The following LHPP variants were observed in gnomAD, a reference collection of about 807,000 sequenced individuals.
LHPP encodes the protein hLHPP.
LHPP carries 24 observed loss-of-function variants against 30.3 expected under a neutral mutation model. The ratio of observed to expected loss-of-function variants is 0.79; its 90% CI spans 0.57 to 1.11. The LOEUF (loss-of-function observed/expected upper bound fraction) is 1.11. Among genes scored for constraint, LHPP ranks in the 50% most tolerant of loss-of-function variants. The probability of loss-of-function intolerance (pLI) is 0.00; values close to 1 mark genes in which losing one functional copy is unlikely to be tolerated. For missense variants in LHPP, 356 were observed against 367.2 expected (o/e 0.97, Z 0.25); for synonymous variants, 150 against 157.1 (o/e 0.95, Z 0.34).
intron 4 of LHPP, 30 bp from the exon 5 acceptor site, chr10:124,498,006 C>A (rs376652414): frequency 6.3e-7 from 1 of 1,575,738 alleles, no homozygotes; most frequent in Non-Finnish European, 8.7e-7. Flanking sequence ...TGATCCCAAA[C>A]TTATGCCATG....
intron 6 of LHPP, among the ~76,000 whole-genome samples, chr10:124,589,890 C>T (rs537858809): frequency 1.1e-4 from 17 of 152,308 alleles, no homozygotes; most frequent in South Asian, 4.1e-4. Flanking sequence ...TGTCTCAGCG[C>T]GCCCTGGCCG....
chr10:124,550,974 C>G (rs59506739), intron 6 of LHPP, among the ~76,000 whole-genome samples: 1,567 of 152,278 alleles, frequency 0.01, 19 homozygotes, highest in African/African-American at 0.036. Flanking sequence ...TGCAGAGGCC[C>G]GGCCCAGCCC....
At chr10:124,530,361 G>C (rs193171807) in intron 6 of LHPP, among the ~76,000 whole-genome samples, 2 of 152,232 alleles carry the variant, frequency 1.3e-5, no homozygotes, top group African/African-American at 4.8e-5. Context: ...AGCCAGGGCC[G>C]ATGCACGCAC....
chr10:124,578,131 T>C, intron 6 of LHPP, among the ~76,000 whole-genome samples: 1 of 152,158 alleles, frequency 6.6e-6, no homozygotes, highest in East Asian at 1.9e-4. Context: ...CATTTGGAGT[T>C]CCCACTGCCT....
chr10:124,570,479 C>T (rs1338998217), intron 6 of LHPP, among the ~76,000 whole-genome samples: 1 of 152,262 alleles, frequency 6.6e-6, no homozygotes, highest in Non-Finnish European at 1.5e-5. Context: ...GAGATATTCA[C>T]ATGCCATACA....
intron 2 of LHPP, among the ~76,000 whole-genome samples, chr10:124,486,540 A>T (rs1399339204): frequency 6.6e-6 from 1 of 152,272 alleles, no homozygotes; most frequent in Non-Finnish European, 1.5e-5. Flanking sequence ...GAAGACAGGC[A>T]TGAACTTCCA....
At chr10:124,604,105 G>A (rs1233688474) in intron 6 of LHPP, among the ~76,000 whole-genome samples, 2 of 152,224 alleles carry the variant, frequency 1.3e-5, no homozygotes, top group African/African-American at 2.4e-5. Context: ...GCTCCTGCTC[G>A]GGTTTCTTTG....
chr10:124,586,682 G>T (rs1454264375), intron 6 of LHPP, among the ~76,000 whole-genome samples: 1 of 152,200 alleles, frequency 6.6e-6, no homozygotes, highest in Non-Finnish European at 1.5e-5. Flanking sequence ...ACTTTCCAGG[G>T]CAGGAAGTGG....
intron 1 of LHPP, among the ~76,000 whole-genome samples, chr10:124,470,141 G>A (rs1952684396): frequency 6.6e-6 from 1 of 152,206 alleles, no homozygotes; most frequent in African/African-American, 2.4e-5. Flanking sequence ...TTCCCCGAGG[G>A]GAGCCATTCA....
rs1564853303 is a variant in LHPP, at chr10:124,610,999, T to TGAGG, written c.717-2264_717-2263insAGGG. Among the ~76,000 whole-genome samples the TGAGG allele has an allele frequency of 1.1e-4, 5 of 43,760 alleles. 1 individual carries two copies. The highest frequency in any genetic ancestry group is 1.0e-3 in the East Asian group (1 of 980). The allele number at this position is 43,760 out of a possible 152,430, so 28.7% of individuals were successfully genotyped here. A position where few individuals can be genotyped will look rare whatever the true frequency, so the allele number is the denominator to read the frequency against. ...AGGGTGCTGGTGGAGCGGGTGAGGG[T>TGAGG]GTTAATGAAGCGGGTGCGGGTGAGG... On this transcript the variant is annotated intron_variant, in intron 6 of 6. Coordinates refer to ENST00000368842, the MANE Select transcript of LHPP (RefSeq NM_022126.4).
rs544464876 is a variant in LHPP, at chr10:124,474,132, CTTTTTTTTTTTTT to C, written c.126-9994_126-9982del. 1.7e-4 allele frequency among the ~76,000 whole-genome samples: 12 copies of C among 71,906 alleles called. No individual in the cohort carries two copies. The East Asian group carries it at 5.1e-3, about 31-fold the overall frequency. 47.2% of individuals were successfully genotyped at this position (71,906 alleles called of 152,430 possible). A position where few individuals can be genotyped will look rare whatever the true frequency, so the allele number is the denominator to read the frequency against. On this transcript the variant is annotated intron_variant, in intron 1 of 6. Transcript: ENST00000368842. ...ATTTTGAAGAGTGGGTTGCTTTGCC[CTTTTTTTTTTTTT>C]TTTTTTTTTTTTGAGACAGGGTCTC...
chr10:124,568,562 C>T (rs114496679), intron 6 of LHPP, among the ~76,000 whole-genome samples: 6 of 152,182 alleles, frequency 3.9e-5, no homozygotes, highest in Admixed American at 1.3e-4. Context: ...CTTCCCGCTT[C>T]GTGGCAAGTC....
intron 6 of LHPP, among the ~76,000 whole-genome samples, chr10:124,610,569 G>A (rs71504514): frequency 2.8e-4 from 3 of 10,696 alleles, no homozygotes; most frequent in African/African-American, 3.5e-4. Flanking sequence ...GAGGGTGCTG[G>A]TGGAGCGGGT....
chr10:124,578,355 A>G (rs1400634670), intron 6 of LHPP, among the ~76,000 whole-genome samples: 1 of 152,250 alleles, frequency 6.6e-6, no homozygotes, highest in African/African-American at 2.4e-5. Context: ...ACAGGGCCAC[A>G]GGCATGGCTT....
At chr10:124,467,519 CTTT>C (rs112628606) in intron 1 of LHPP, among the ~76,000 whole-genome samples, 13 of 136,582 alleles carry the variant, frequency 9.5e-5, no homozygotes, top group Admixed American at 1.5e-4. Flanking sequence ...TTTTCTTTTT[CTTT>C]TTTTTTTTTT....
chr10:124,511,495 C>T (rs1954294337), intron 5 of LHPP, among the ~76,000 whole-genome samples: 1 of 152,186 alleles, frequency 6.6e-6, no homozygotes, highest in South Asian at 2.1e-4. Context: ...CCTCATGTCT[C>T]GCGGTGGCTT....
chr10:124,586,951 TGGG>T (rs2133996935), intron 6 of LHPP, among the ~76,000 whole-genome samples: 1 of 152,056 alleles, frequency 6.6e-6, no homozygotes, highest in South Asian at 2.1e-4. Context: ...GAGATGAACT[TGGG>T]GGATTTTAAA....
At chr10:124,471,324 T>G (rs565396610) in intron 1 of LHPP, among the ~76,000 whole-genome samples, 160 of 146,494 alleles carry the variant, frequency 1.1e-3, no homozygotes, top group African/African-American at 3.8e-3. Context: ...GCCAGGAGTT[T>G]TGAATTCTTT....
rs1017435047 is a variant in LHPP, at chr10:124,510,646, G to T, written c.625-6534G>T. Among the ~76,000 whole-genome samples the T allele has an allele frequency of 2.0e-5, 3 of 152,214 alleles. No individual in the cohort carries two copies. The highest frequency in any genetic ancestry group is 7.2e-5 in the African/African-American group (3 of 41,458). ...TGCTGTCTGGTTTTGTATGTGGGAG[G>T]AGCATGCACACAGTTTCATTTTCCC... is the stretch of plus-strand genomic sequence containing the variant. On this transcript the variant is annotated intron_variant, in intron 5 of 6. Transcript: ENST00000368842. The surrounding 1 kb of genome is among the most constrained non-coding windows in gnomAD (Gnocchi z 4.0).
Sources: allele counts gnomAD v4.1 joint callset (sites outside exome capture counted in the v4.1 genomes callset), GRCh38; gene constraint gnomAD v4.1.1; non-coding constraint Gnocchi (gnomAD v3.1); transcripts MANE v1.5; gene names NCBI Gene and HGNC (gene_info 2026-07-23, HGNC 2026-07-21).